ZBTB37: variants seen among roughly 807,000 people sequenced by gnomAD.
ZBTB37 encodes zinc finger and BTB domain-containing protein 37.
In ZBTB37, 15 loss-of-function variants were observed where a neutral mutation model predicts 37.7. The observed-to-expected ratio is 0.40, with a 90% confidence interval of 0.27 to 0.61. The LOEUF (loss-of-function observed/expected upper bound fraction) is 0.61, where lower values mean the gene tolerates loss of function less well. Among genes scored for constraint, ZBTB37 ranks in the 20% least tolerant of loss-of-function variants. ZBTB37 has a pLI of 0.44. For synonymous variants in ZBTB37, 231 were observed against 220.6 expected, an observed-to-expected ratio of 1.05 and a Z score of -0.42; for missense variants, 514 against 641.9, an observed-to-expected ratio of 0.80 and a Z score of 2.15.
At chr1:173,884,098 C>T (rs925358271) in intron 4 of ZBTB37, among the ~76,000 whole-genome samples, 6 of 151,522 alleles carry the variant, frequency 4.0e-5, no homozygotes, top group Admixed American at 6.6e-5. Context: ...AAAATAATTT[C>T]TGATTGATTT....
exon 4 of ZBTB37, chr1:173,900,977 G>T (rs1286839304): frequency 1.3e-5 from 2 of 152,194 alleles, no homozygotes; most frequent in Non-Finnish European, 2.9e-5. Context: ...TGGGGAGAGA[G>T]TAGAGCAGAG....
chr1:173,879,544 T>G (rs1656182002), intron 4 of ZBTB37, among the ~76,000 whole-genome samples: 1 of 152,112 alleles, frequency 6.6e-6, no homozygotes, highest in South Asian at 2.1e-4. Flanking sequence ...GGCTCCGCAG[T>G]CTAATGTTTC....
chr1:173,899,396 TTTACTG>T (rs1657174673), exon 4 of ZBTB37: 1 of 152,234 alleles, frequency 6.6e-6, no homozygotes, highest in Non-Finnish European at 1.5e-5. Flanking sequence ...AAATCAGTAC[TTTACTG>T]TTGCTGTTGC....
intron 3 of ZBTB37, among the ~76,000 whole-genome samples, chr1:173,871,750 C>T (rs1655580130): frequency 6.6e-6 from 1 of 152,134 alleles, no homozygotes; most frequent in East Asian, 1.9e-4. Flanking sequence ...CTACCACAGG[C>T]CTGACAATCT....
chr1:173,878,925 A>G (rs1490723556), intron 4 of ZBTB37, among the ~76,000 whole-genome samples: 1 of 151,768 alleles, frequency 6.6e-6, no homozygotes, highest in Non-Finnish European at 1.5e-5. Flanking sequence ...CCCTTCTCTA[A>G]TAAAAATACA....
At chr1:173,878,021 A>G (rs1029194211) in intron 4 of ZBTB37, among the ~76,000 whole-genome samples, 3 of 152,074 alleles carry the variant, frequency 2.0e-5, no homozygotes, top group Non-Finnish European at 4.4e-5. Context: ...TTTTCCCACC[A>G]CTCATCAGCA....
chr1:173,889,249 T>C (rs914897005), downstream of ZBTB37: 3 of 152,240 alleles, frequency 2.0e-5, no homozygotes, highest in African/African-American at 7.2e-5. Flanking sequence ...TAACAACACA[T>C]TGGTCATAGG....
chr1:173,901,399 C>CTTTTTTTT (rs3053950), exon 4 of ZBTB37: 1 of 121,742 alleles, frequency 8.2e-6, no homozygotes, highest in African/African-American at 3.5e-5. Context: ...AAAGTTAGAA[C>CTTTTTTTT]TTTTTTTTTT....
exon 3 of ZBTB37, chr1:173,871,069 G>A: frequency 1.2e-6 from 2 of 1,614,190 alleles, no homozygotes; most frequent in Non-Finnish European, 1.7e-6. Context: ...CACAGGCCAT[G>A]GTTCTGTAGG....
At chr1:173,870,529 T>C in exon 3 of ZBTB37, 1 of 1,614,224 alleles carries the variant, frequency 6.2e-7, no homozygotes, top group Non-Finnish European at 8.5e-7. Flanking sequence ...TATCATCAGC[T>C]ACCTAACAGC....
rs150584048 is a variant in ZBTB37 at position 173,885,062 on chromosome 1, C to T, written c.1024-574C>T. Among the ~76,000 whole-genome samples the T allele has an allele frequency of 4.1e-3, 623 of 152,192 alleles. 9 individuals are homozygous for T. The highest frequency in any genetic ancestry group is 0.021 in the South Asian group (100 of 4,812). On this transcript the variant is annotated intron_variant, in intron 4 of 4. Coordinates refer to ENST00000427304, the Ensembl canonical transcript of ZBTB37. Reference sequence around the variant, plus strand: ...CAGCCTGGGCAACATGGCAAAGCCTCGTCTCTGCAAAAAGTACAAAAATTA... The same window carrying T: ...CAGCCTGGGCAACATGGCAAAGCCTTGTCTCTGCAAAAAGTACAAAAATTA...
At position 173,877,903 on chromosome 1, in the gene ZBTB37, A is replaced by G. The variant is rs184387988; in HGVS notation, c.1023+4337A>G. On this transcript the variant is annotated intron_variant, in intron 4 of 4. Coordinates refer to ENST00000427304, the Ensembl canonical transcript of ZBTB37. Reference sequence around the variant, plus strand: ...GGGGGTGATTAAACTGGAACACACTAATAAAGTTACTCTTTTACTTGAAAA... The same window carrying G: ...GGGGGTGATTAAACTGGAACACACTGATAAAGTTACTCTTTTACTTGAAAA... 2.6e-5 allele frequency among the ~76,000 whole-genome samples: 4 copies of G among 152,314 alleles called. No homozygotes were observed. The East Asian group carries it at 7.7e-4, about 29-fold the overall frequency.
exon 4 of ZBTB37, chr1:173,893,758 A>T (rs974277600): frequency 6.6e-6 from 1 of 152,242 alleles, no homozygotes; most frequent in African/African-American, 2.4e-5. Context: ...TGACAATCCC[A>T]TGAGGGTAGA....
At chr1:173,893,698 G>A (rs1656939435) in exon 4 of ZBTB37, 1 of 152,208 alleles carries the variant, frequency 6.6e-6, no homozygotes, top group South Asian at 2.1e-4. Context: ...CTTACTATGT[G>A]CCAGGCACAG....
chr1:173,891,984 GCTTT>G (rs1656862040), exon 4 of ZBTB37: 1 of 152,056 alleles, frequency 6.6e-6, no homozygotes, highest in Non-Finnish European at 1.5e-5. Context: ...TAAAGTTGCT[GCTTT>G]CTAATTGGAT....
At chr1:173,869,689 T>C (rs1340075971) in intron 2 of ZBTB37, among the ~76,000 whole-genome samples, 2 of 152,224 alleles carry the variant, frequency 1.3e-5, no homozygotes, top group African/African-American at 4.8e-5. Context: ...AATATTAGCC[T>C]ACATTCATGT....
chr1:173,896,290 A>G (rs1399345202), exon 4 of ZBTB37: 1 of 152,226 alleles, frequency 6.6e-6, no homozygotes, highest in Non-Finnish European at 1.5e-5. Flanking sequence ...TAAAAATTTA[A>G]AGGCCTTAAA....
chr1:173,886,328 G>A, exon 5 of ZBTB37: 1 of 739,798 alleles, frequency 1.4e-6, no homozygotes, highest in Non-Finnish European at 2.1e-6. Context: ...TCACACTTTG[G>A]AAAATAATCA....
At chr1:173,884,723 A>G (rs1656527433) in intron 4 of ZBTB37, among the ~76,000 whole-genome samples, 1 of 152,266 alleles carries the variant, frequency 6.6e-6, no homozygotes, top group Non-Finnish European at 1.5e-5. Context: ...GTCACAATTT[A>G]TAATATGTTG....
Sources: gnomAD v4.1 joint callset for allele counts (sites outside exome capture counted in the v4.1 genomes callset) on GRCh38, gnomAD v4.1.1 for gene constraint, MANE v1.5 for transcripts, NCBI Gene and HGNC (gene_info 2026-07-23, HGNC 2026-07-21) for gene names.